The following EXD1 variants were observed in gnomAD, a reference collection of about 807,000 sequenced individuals.
EXD1 encodes the protein piRNA biogenesis protein EXD1.
A neutral mutation model predicts 49.1 loss-of-function variants in EXD1; 63 were observed. The observed-to-expected ratio is 1.28, with a 90% confidence interval of 1.05 to 1.58. The LOEUF (loss-of-function observed/expected upper bound fraction) is 1.58, where lower values mean the gene tolerates loss of function less well. EXD1 is among the 40% of genes most tolerant of loss of function. The pLI is 0.00. For synonymous variants in EXD1, 234 were observed against 239.2 expected (o/e 0.98, Z 0.20); for missense variants, 748 against 666.0 (o/e 1.12, Z -1.36).
At chr15:41,199,732 T>TATATATCATATATAATATATAATATATC (rs1159105027) in intron 7 of EXD1, among the ~76,000 whole-genome samples, 1 of 78,842 alleles carries the variant, frequency 1.3e-5, no homozygotes, top group African/African-American at 5.6e-5. Flanking sequence ...TTATATATGA[T>TATATATCATATATAATATATAATATATC]ATATATGTCA....
chr15:41,216,848 CA>C, intron 4 of EXD1, 53 bp from the exon 5 acceptor site: 1 of 1,600,980 alleles, frequency 6.2e-7, no homozygotes, highest in Non-Finnish European at 8.5e-7. Context: ...TTGTTGACAC[CA>C]AAAACAGATT....
At chr15:41,189,859 A>G in intron 11 of EXD1, 78 bp downstream of exon 11, 3 of 1,415,470 alleles carry the variant, frequency 2.1e-6, no homozygotes, top group East Asian at 2.3e-5. Flanking sequence ...TATCGCAGCT[A>G]TGAAGAAAGG....
Position 41,209,529 on chromosome 15 carries a change from C to T in EXD1, c.506G>A (p.Cys169Tyr). ...LSVAAEGANVCRHGKLCWLQV... is the reference protein window; with the variant it reads ...LSVAAEGANVYRHGKLCWLQV... ...CAGCCAGCACAGTTTGCCATGGCGA[C>T]ATACATTCGCTCCTTCTGCTGCCAC... Residue 169 changes from cysteine to tyrosine, a missense_variant, in exon 7 of 12, where the codon TGT becomes TAT. By Grantham distance (194) the Cys-to-Tyr change is radical (BLOSUM62 -2). Transcript: ENST00000458580. 1 of 1,614,196 alleles carries T rather than the reference C, an allele frequency of 6.2e-7. No homozygotes were observed. Among genetic ancestry groups the T allele is most frequent in the East Asian group, 2.2e-5 (1 of 44,884 alleles).
intron 6 of EXD1, among the ~76,000 whole-genome samples, chr15:41,214,163 A>AAAAAC (rs1211903575): frequency 3.6e-4 from 55 of 152,010 alleles, no homozygotes; most frequent in African/African-American, 1.2e-3. Flanking sequence ...ACTCCATCTC[A>AAAAAC]AAAACAAAAC....
chr15:41,203,825 G>A lies in EXD1; in HGVS notation c.534+5676C>T, dbSNP rs113253606. ...CAAGGTACTTGGGAGCCTGAGACAG[G>A]AGAATCGCTTGAAACCAGGAGGTGG... On this transcript the variant is annotated intron_variant, in intron 7 of 11. Coordinates refer to ENST00000458580, the MANE Select transcript of EXD1 (RefSeq NM_001286441.2). 2.4e-3 allele frequency among the ~76,000 whole-genome samples: 325 copies of A among 136,974 alleles called. 2 individuals carry two copies. The highest frequency in any genetic ancestry group is 8.7e-3 in the African/African-American group (311 of 35,900). 89.9% of individuals were successfully genotyped at this position (136,974 alleles called of 152,430 possible). A position where few individuals can be genotyped will look rare whatever the true frequency, so the allele number is the denominator to read the frequency against.
chr15:41,229,330 T>C (rs1214808724), intron 1 of EXD1, among the ~76,000 whole-genome samples: 1 of 151,394 alleles, frequency 6.6e-6, no homozygotes, highest in Admixed American at 6.6e-5. Flanking sequence ...ATACAAAAAT[T>C]AGCTGGGCGT....
chr15:41,229,492 G>A (rs1269960347), intron 1 of EXD1, among the ~76,000 whole-genome samples: 2 of 152,094 alleles, frequency 1.3e-5, no homozygotes, highest in African/African-American at 4.8e-5. Context: ...AAACAAGCCA[G>A]GTGCGGTGGC....
chr15:41,198,290 C>T (rs1033918344), intron 7 of EXD1, among the ~76,000 whole-genome samples: 3 of 152,100 alleles, frequency 2.0e-5, no homozygotes, highest in African/African-American at 7.2e-5. Context: ...GGACTTTCAT[C>T]CCCACTATCC....
At position 41,184,140 on chromosome 15, in the gene EXD1, C is replaced by G. The variant is rs777757423; in HGVS notation, c.1510G>C (p.Glu504Gln). 1.6e-5 allele frequency: 26 copies of G among 1,614,070 alleles called. No individual in the cohort carries two copies. The change falls in exon 12 of 12, where the codon GAG (glutamate) becomes CAG (glutamine). Residue 504 changes from glutamate (E) to glutamine (Q), a missense_variant. By Grantham distance (29) the Glu-to-Gln change is conservative. Coordinates refer to ENST00000458580, the MANE Select transcript of EXD1 (RefSeq NM_001286441.2). ...EFQASLSLKE[E>Q]TEQLLMVENK... ...TCCACCATCAATAACTGTTCTGTCT[C>G]CTCTTTCAAAGATAAACTTGCCTGA...
rs556970238 is a variant in EXD1 at position 41,215,681 on chromosome 15, G to A, written c.447+94C>T. ...AACCTGGGCGATAGAGCAAGACTCCGTCTCAAAAAAAAAAAGAAAGAAAGA... is the reference window on the plus strand; with the variant it reads ...AACCTGGGCGATAGAGCAAGACTCCATCTCAAAAAAAAAAAGAAAGAAAGA... On this transcript the variant is annotated intron_variant, in intron 6 of 11. Transcript: ENST00000458580. 65 of 1,263,636 alleles carry A rather than the reference G, an allele frequency of 5.1e-5. No homozygotes were observed. The East Asian group carries it at 7.7e-4, about 15-fold the overall frequency. The allele number at this position is 1,263,636 out of a possible 1,614,324, so 78.3% of individuals were successfully genotyped here. A position where few individuals can be genotyped will look rare whatever the true frequency, so the allele number is the denominator to read the frequency against.
intron 11 of EXD1, among the ~76,000 whole-genome samples, chr15:41,186,334 C>T (rs954994366): frequency 1.3e-5 from 2 of 151,726 alleles, no homozygotes; most frequent in African/African-American, 4.8e-5. Context: ...TAGCTGAGCA[C>T]GGTAGCACAT....
At chr15:41,191,377 T>C (rs2140816956) in intron 10 of EXD1, 65 bp downstream of exon 10, 3 of 1,456,442 alleles carry the variant, frequency 2.1e-6, no homozygotes, top group East Asian at 4.6e-5. Context: ...CATAACAGGC[T>C]GATAATACTG....
rs953471499 is a variant in EXD1 at position 41,199,816 on chromosome 15, T to A, written c.535-3779A>T. Among the ~76,000 whole-genome samples the A allele has an allele frequency of 6.6e-4, 4 of 6,064 alleles. No individual in the cohort carries two copies. In the Non-Finnish European group the frequency reaches 0.019, roughly 29 times the overall value. The allele number at this position is 6,064 out of a possible 152,430, so 4.0% of individuals were successfully genotyped here. A position where few individuals can be genotyped will look rare whatever the true frequency, so the allele number is the denominator to read the frequency against. ...TGTCATATATATTATATATGTCATA[T>A]ATAGATATATGTCAATATATGATAT... On this transcript the variant is annotated intron_variant, in intron 7 of 11. Coordinates refer to ENST00000458580, the MANE Select transcript of EXD1 (RefSeq NM_001286441.2).
intron 9 of EXD1, among the ~76,000 whole-genome samples, chr15:41,193,236 G>A (rs1256020815): frequency 6.6e-6 from 1 of 152,064 alleles, no homozygotes; most frequent in Admixed American, 6.6e-5. Flanking sequence ...TTCTCCTTGT[G>A]TTATAATACC....
rs1453139021 is a variant in EXD1, at chr15:41,195,974, T to C, written c.598A>G (p.Asn200Asp). ...IFLLGSRAFH[N>D]GLQMILEDKR... is the part of the protein sequence containing the mutation. ...TCTTCTAGTATCATCTGAAGTCCAT[T>C]GTGGAAAGCTCGACTTCCCAGAAGG... is the stretch of plus-strand genomic sequence containing the variant. The change falls in exon 8 of 12, where the codon AAT (asparagine) becomes GAT (aspartate). Residue 200 changes from asparagine (N) to aspartate (D), a missense_variant. Asn to Asp is a conservative substitution (Grantham distance 23). Transcript: ENST00000458580. The C allele has an allele frequency of 1.9e-6, 3 of 1,613,344 alleles. No individual in the cohort carries two copies. The highest frequency in any genetic ancestry group is 2.5e-6 in the Non-Finnish European group (3 of 1,179,860).
intron 7 of EXD1, among the ~76,000 whole-genome samples, chr15:41,197,304 T>C (rs546053873): frequency 9.3e-5 from 14 of 151,350 alleles, no homozygotes; most frequent in African/African-American, 3.4e-4. Context: ...CTCGACTCAC[T>C]GCAACCTCTG....
At chr15:41,213,527 T>C (rs1461180598) in intron 6 of EXD1, among the ~76,000 whole-genome samples, 1 of 143,386 alleles carries the variant, frequency 7.0e-6, no homozygotes, top group Non-Finnish European at 1.5e-5. Flanking sequence ...TTTTGTTTTG[T>C]TGTTTTTTGA....
At chr15:41,185,398 T>A (rs1467178817) in intron 11 of EXD1, among the ~76,000 whole-genome samples, 1 of 152,102 alleles carries the variant, frequency 6.6e-6, no homozygotes, top group Non-Finnish European at 1.5e-5. Context: ...TTGGCTGGAG[T>A]GCAATGGTGT....
chr15:41,194,096 C>G (rs2046573880), intron 9 of EXD1, among the ~76,000 whole-genome samples: 1 of 143,308 alleles, frequency 7.0e-6, no homozygotes, highest in Non-Finnish European at 1.5e-5. Context: ...ACTGCAAGCT[C>G]TGACTCCCAG....
Sources: gnomAD v4.1 joint callset for allele counts (sites outside exome capture counted in the v4.1 genomes callset) on GRCh38, gnomAD v4.1.1 for gene constraint, MANE v1.5 for transcripts, NCBI Gene and HGNC (gene_info 2026-07-23, HGNC 2026-07-21) for gene names.